The following MOV10L1 variants were observed in gnomAD, a reference collection of about 807,000 sequenced individuals.
MOV10L1 encodes the protein RNA helicase Mov10l1.
Under a neutral mutation model 143.8 loss-of-function variants are expected in MOV10L1, and 110 were observed. The observed-to-expected ratio is 0.76, with a 90% CI of 0.66 to 0.90. The LOEUF (loss-of-function observed/expected upper bound fraction) is 0.90, where lower values mean the gene tolerates loss of function less well. MOV10L1 is among the 40% of genes least tolerant of loss of function. The pLI is 0.00. For missense variants in MOV10L1, 1,406 were observed against 1,526.8 expected, an observed-to-expected ratio of 0.92 and a Z score of 1.32; for synonymous variants, 593 against 581.1, an observed-to-expected ratio of 1.02 and a Z score of -0.29.
At chr22:50,143,860 G>T (rs1400488570) in intron 17 of MOV10L1, among the ~76,000 whole-genome samples, 1 of 152,240 alleles carries the variant, frequency 6.6e-6, no homozygotes, top group Non-Finnish European at 1.5e-5. Flanking sequence ...CTCTGTTTCT[G>T]CCCTGAAAGG....
chr22:50,160,652 C>G, intron 24 of MOV10L1, 36 bp from the exon 25 acceptor site: 1 of 1,590,058 alleles, frequency 6.3e-7, no homozygotes, highest in Non-Finnish European at 8.6e-7. Flanking sequence ...CCAAAAACTT[C>G]AAGTGCCATT....
intron 19 of MOV10L1, 77 bp from the exon 20 acceptor site, chr22:50,149,538 G>A (rs2063238895): frequency 6.9e-7 from 1 of 1,439,480 alleles, no homozygotes; most frequent in South Asian, 1.3e-5. Context: ...GCTGAGCGTG[G>A]CTTTGCCAGT....
intron 2 of MOV10L1, chr22:50,094,796 C>A (rs981037479): frequency 1.3e-5 from 2 of 152,060 alleles, no homozygotes; most frequent in African/African-American, 4.8e-5. Context: ...ATAGTTAGTA[C>A]CATCTAATGC....
At chr22:50,108,934 T>G (rs772580526) in intron 5 of MOV10L1, 90 bp downstream of exon 5, 3 of 1,323,928 alleles carry the variant, frequency 2.3e-6, no homozygotes, top group Non-Finnish European at 3.2e-6. Flanking sequence ...CACCTGAGGT[T>G]GGGAGTTCAA....
At chr22:50,117,016 C>T in intron 8 of MOV10L1, 141 bp from the exon 9 acceptor site, 1 of 814,220 alleles carries the variant, frequency 1.2e-6, no homozygotes. Flanking sequence ...TAGAAGATCT[C>T]TTTTTTCTCT....
chr22:50,160,091 CAGGT>C, intron 24 of MOV10L1, among the ~76,000 whole-genome samples: 1 of 152,040 alleles, frequency 6.6e-6, no homozygotes. Context: ...AGTGGGAGGG[CAGGT>C]ACCCGCAGGA....
At chr22:50,157,796 G>T (rs1021935112) in intron 22 of MOV10L1, among the ~76,000 whole-genome samples, 1 of 145,274 alleles carries the variant, frequency 6.9e-6, no homozygotes, top group Non-Finnish European at 1.5e-5. Context: ...AGAAATACCA[G>T]CCAGCCCTCC....
chr22:50,100,151 C>G (rs2062701843), intron 3 of MOV10L1, among the ~76,000 whole-genome samples: 1 of 151,926 alleles, frequency 6.6e-6, no homozygotes, highest in Non-Finnish European at 1.5e-5. Flanking sequence ...ACCACCATGC[C>G]CAGCTAATTT....
At chr22:50,090,550 A>T (rs556967077) in intron 1 of MOV10L1, 1 of 1,595,118 alleles carries the variant, frequency 6.3e-7, no homozygotes, top group Admixed American at 1.7e-5. Flanking sequence ...GGCCCCGCAG[A>T]CTTGGCCTGT....
At chr22:50,129,188 C>A (rs544344154) in intron 13 of MOV10L1, among the ~76,000 whole-genome samples, 1 of 152,042 alleles carries the variant, frequency 6.6e-6, no homozygotes, top group African/African-American at 2.4e-5. Context: ...GTATTCTTTC[C>A]CAGATCTCAT....
At chr22:50,156,273 G>A (rs1468016003) in intron 22 of MOV10L1, among the ~76,000 whole-genome samples, 2 of 151,786 alleles carry the variant, frequency 1.3e-5, no homozygotes, top group African/African-American at 2.4e-5. Context: ...GCCCCACCAC[G>A]CCCAGCTAAT....
intron 12 of MOV10L1, 48 bp from the exon 13 acceptor site, chr22:50,128,363 AAAGAT>A: frequency 1.9e-6 from 2 of 1,028,760 alleles, no homozygotes; most frequent in Non-Finnish European, 3.0e-6. Context: ...GTCGCTAGAT[AAAGAT>A]ATCACATTAT....
At chr22:50,140,180 A>T (rs1261694681) in intron 15 of MOV10L1, among the ~76,000 whole-genome samples, 1 of 152,216 alleles carries the variant, frequency 6.6e-6, no homozygotes, top group East Asian at 1.9e-4. Flanking sequence ...GCAACAACAC[A>T]GGTGGCTCTC....
intron 5 of MOV10L1, among the ~76,000 whole-genome samples, chr22:50,111,381 G>A (rs938090981): frequency 6.6e-6 from 1 of 150,784 alleles, no homozygotes; most frequent in South Asian, 2.1e-4. Context: ...ACCTTGTCTT[G>A]TAGCTCTCTG....
intron 22 of MOV10L1, 152 bp downstream of exon 22, chr22:50,153,370 C>T (rs1602356564): frequency 3.1e-6 from 3 of 957,218 alleles, no homozygotes; most frequent in Admixed American, 2.8e-5. Flanking sequence ...GGGGCTTGTG[C>T]CCCCCAAGAT....
In MOV10L1 at chr22:50,113,880, G is replaced by T. The variant is rs1027559178; in HGVS notation, c.884+92G>T. The T allele has an allele frequency of 1.5e-4, 157 of 1,078,096 alleles. No individual in the cohort carries two copies. The East Asian group carries it at 1.6e-3, about 11-fold the overall frequency. The allele number at this position is 1,078,096 out of a possible 1,614,324, so 66.8% of individuals were successfully genotyped here. A position where few individuals can be genotyped will look rare whatever the true frequency, so the allele number is the denominator to read the frequency against. ...TTTCTGTAAAACCAACTTTACTTTG[G>T]TCATTTATTTTTTTCTTTATGAAGA... On this transcript the variant is annotated intron_variant, in intron 6 of 26. Coordinates refer to ENST00000262794, the MANE Select transcript of MOV10L1 (RefSeq NM_018995.3).
rs779374884 is a variant in MOV10L1 at position 50,144,181 on chromosome 22, G to A, written c.2443G>A (p.Glu815Lys). Residue 815 changes from glutamate (E) to lysine (K), a missense_variant, in exon 18 of 27, where the codon GAG becomes AAG. By Grantham distance (56) the Glu-to-Lys change is moderately conservative (BLOSUM62 1). Transcript: ENST00000262794. ...TGACCTCGTGTGTCTGCGGCTGCAC[G>A]AGAGCAAGGTGCTACAGCCGGCCAC... Reference protein sequence around the residue: ...AADLVCLRLHESKVLQPATMV... With the variant: ...AADLVCLRLHKSKVLQPATMV... The A allele has an allele frequency of 5.6e-6, 9 of 1,613,294 alleles. No homozygotes were observed. The highest frequency in any genetic ancestry group is 7.6e-6 in the Non-Finnish European group (9 of 1,179,294).
At chr22:50,094,265 C>T (rs1023773936) in intron 2 of MOV10L1, 2 of 151,916 alleles carry the variant, frequency 1.3e-5, no homozygotes, top group Non-Finnish European at 2.9e-5. Flanking sequence ...TTTTATAGTT[C>T]AATAGTTTTC....
chr22:50,105,773 C>G (rs756039439), intron 3 of MOV10L1, among the ~76,000 whole-genome samples: 18 of 152,168 alleles, frequency 1.2e-4, no homozygotes, highest in Non-Finnish European at 2.6e-4. Context: ...GTTGGGGGAG[C>G]AGCAAAGAGA....
Sources: allele counts gnomAD v4.1 joint callset (sites outside exome capture counted in the v4.1 genomes callset), GRCh38; gene constraint gnomAD v4.1.1; transcripts MANE v1.5; gene names NCBI Gene and HGNC (gene_info 2026-07-23, HGNC 2026-07-21).